The following DNMT1 variants were observed in gnomAD, a reference collection of about 807,000 sequenced individuals.
The protein encoded by DNMT1 is DNA methyltransferase 1.
DNMT1 carries 24 observed loss-of-function variants against 205.3 expected under a neutral mutation model. The ratio of observed to expected loss-of-function variants is 0.12; its 90% CI spans 0.08 to 0.16. The LOEUF is 0.16. Among genes scored for constraint, DNMT1 ranks in the 10% least tolerant of loss-of-function variants. The pLI, the probability that DNMT1 is intolerant of heterozygous loss-of-function variation, is 1.00. For missense variants in DNMT1, 1,293 were observed against 2,177.7 expected (o/e 0.59, Z 8.09); for synonymous variants, 817 against 839.8 (o/e 0.97, Z 0.47).
chr19:10,194,117 A>G (rs930604477), intron 1 of DNMT1, among the ~76,000 whole-genome samples: 17 of 152,328 alleles, frequency 1.1e-4, no homozygotes, highest in African/African-American at 4.1e-4. Context: ...TTTACAGGAA[A>G]AGACCAACCA....
intron 9 of DNMT1, among the ~76,000 whole-genome samples, chr19:10,168,602 G>A (rs2038740749): frequency 6.6e-6 from 1 of 152,092 alleles, no homozygotes; most frequent in Non-Finnish European, 1.5e-5. Flanking sequence ...CTTCTTCAGT[G>A]GGGTAAGTAG....
At chr19:10,194,713 C>T (rs2039370855) in intron 1 of DNMT1, 107 bp downstream of exon 1, 4 of 1,420,690 alleles carry the variant, frequency 2.8e-6, no homozygotes, top group Non-Finnish European at 3.7e-6. Context: ...CCCACGCATG[C>T]GCGCCCGTCT....
chr19:10,148,836 T>C (rs2038264293), intron 27 of DNMT1, 48 bp downstream of exon 27: 1 of 1,613,570 alleles, frequency 6.2e-7, no homozygotes, highest in Non-Finnish European at 8.5e-7. Context: ...AAGGGAGTGA[T>C]GTGGGCTGAA....
Position 10,173,882 on chromosome 19 carries a change from T to A in DNMT1, c.672A>T (p.Thr224=). 2 of 1,613,954 alleles carry A rather than the reference T, an allele frequency of 1.2e-6. No individual in the cohort carries two copies. Among genetic ancestry groups the A allele is most frequent in the Non-Finnish European group, 1.7e-6 (2 of 1,179,854 alleles). ...KDQDEKRRRV[T]SRERVARPLP... ...GTAACTATTCTTACCGTTCTCTGGA[T>A]GTAACTCTACGTCTCTTCTCATCCT... The change falls in exon 8 of 41, where the codon ACA becomes ACT. Residue 224 remains threonine (T), a synonymous_variant. Transcript: ENST00000359526.
chr19:10,154,318 T>C lies in DNMT1; in HGVS notation c.1994A>G (p.Lys665Arg). 6.2e-7 allele frequency: 1 copy of C among 1,614,224 alleles called. No individual in the cohort carries two copies. Among genetic ancestry groups the C allele is most frequent in the South Asian group, 1.1e-5 (1 of 91,084 alleles). ...DDREDKENAF[K>R]RRRCGVCEVC... ...CTCACAGACGCCACATCGCCGGCGC[T>C]TAAAGGCGTTCTCCTTGTCTTCTCT... is the stretch of plus-strand genomic sequence containing the variant. Residue 665 changes from lysine to arginine, a missense_variant, in exon 22 of 41, where the codon AAG (lysine) becomes AGG (arginine). Coordinates refer to ENST00000359526, the MANE Select transcript of DNMT1 (RefSeq NM_001130823.3). This position sits in a 1 kb window ranked among gnomAD's most constrained non-coding sequence, Gnocchi z 6.3.
In DNMT1 at chr19:10,141,072, A is replaced by G. The variant is rs191221466; in HGVS notation, c.3394+33T>C. The G allele has an allele frequency of 2.7e-4, 432 of 1,612,514 alleles. 1 individual carries two copies. Among genetic ancestry groups the G allele is most frequent in the Non-Finnish European group, 3.4e-4 (397 of 1,178,636 alleles). ...CAGGCAGCCTCCAAGTTACAGAAGAATAACTTGAAAAGAAACTCATACAAT... is the reference window on the plus strand; with the variant it reads ...CAGGCAGCCTCCAAGTTACAGAAGAGTAACTTGAAAAGAAACTCATACAAT... On this transcript the variant is annotated intron_variant, in intron 31 of 40. Coordinates refer to ENST00000359526, the MANE Select transcript of DNMT1 (RefSeq NM_001130823.3).
chr19:10,162,103 A>G (rs1380028218), intron 13 of DNMT1, among the ~76,000 whole-genome samples: 1 of 150,976 alleles, frequency 6.6e-6, no homozygotes, highest in East Asian at 1.9e-4. Context: ...TGGCCTCCCA[A>G]AGTGCTGAAA....
At position 10,194,912 on chromosome 19, in the gene DNMT1, A is replaced by T; in HGVS notation, c.-13T>A. 1 of 1,602,112 alleles carries T rather than the reference A, an allele frequency of 6.2e-7. No homozygotes were observed. Among genetic ancestry groups the T allele is most frequent in the South Asian group, 1.1e-5 (1 of 90,136 alleles). On this transcript the variant is annotated 5_prime_UTR_variant, in exon 1 of 41. Transcript: ENST00000359526. ...TACGCGCCGGCATCTCGGAGGCTTC[A>T]GCAGACGCGGCGGCGGCAGCGCAGG...
intron 34 of DNMT1, among the ~76,000 whole-genome samples, chr19:10,139,452 T>A (rs2089558128): frequency 6.6e-6 from 1 of 152,240 alleles, no homozygotes; most frequent in Admixed American, 6.5e-5. Flanking sequence ...CTCCCAGGCA[T>A]GTTCGAGAAC....
At chr19:10,157,504 T>C (rs1379921943) in intron 17 of DNMT1, among the ~76,000 whole-genome samples, 2 of 152,152 alleles carry the variant, frequency 1.3e-5, no homozygotes, top group African/African-American at 4.8e-5. Flanking sequence ...AGACATGAAC[T>C]GGGTGTTCTG....
rs370399482 is a variant in DNMT1, at chr19:10,173,855, T to G, written c.683+16A>C. 305 of 1,613,532 alleles carry G rather than the reference T, an allele frequency of 1.9e-4. 3 individuals are homozygous for G. In the African/African-American group the frequency reaches 3.8e-3, roughly 20 times the overall value. The stretch of plus-strand genomic sequence containing the variant: ...AACTCGTAGAACAAAAAGAAAGGTA[T>G]AGTAACTATTCTTACCGTTCTCTGG... On this transcript the variant is annotated intron_variant, in intron 8 of 40. Coordinates refer to ENST00000359526, the MANE Select transcript of DNMT1 (RefSeq NM_001130823.3).
chr19:10,154,395 C>T lies in DNMT1; in HGVS notation c.1917G>A (p.Leu639=). ...AGAAAGTATCGAAGATCTGGTAGAC[C>T]AGCTTGGTGGTGGTGGCTTTCGTGG... The part of the protein sequence containing the change: ...RGPTKATTTK[L]VYQIFDTFFA... The change falls in exon 22 of 41, where the codon CTG becomes CTA. Residue 639 remains leucine, a synonymous_variant. Transcript: ENST00000359526. The surrounding 1 kb of genome is among the most constrained non-coding windows in gnomAD (Gnocchi z 6.3). The T allele has an allele frequency of 2.5e-6, 4 of 1,614,224 alleles. No homozygotes were observed. Among genetic ancestry groups the T allele is most frequent in the Non-Finnish European group, 3.4e-6 (4 of 1,180,048 alleles).
intron 7 of DNMT1, among the ~76,000 whole-genome samples, chr19:10,175,080 TACATACACACACACACACAC>T (rs1410332987): frequency 1.1e-5 from 1 of 90,610 alleles, no homozygotes; most frequent in South Asian, 4.5e-4. Flanking sequence ...AATACATACA[TACATACACACACACACACAC>T]ACACACACAC....
rs1356707496 is a variant in DNMT1 at position 10,154,539 on chromosome 19, C to G, written c.1832+47G>C. On this transcript the variant is annotated intron_variant, in intron 21 of 40. Transcript: ENST00000359526. The surrounding 1 kb of genome is among the most constrained non-coding windows in gnomAD (Gnocchi z 6.3). ...GACAGAGGATGTGGGCCATGCTCTACCCTCCCCGGTCTCCAGTCTTCACTC... is the reference window on the plus strand; with the variant it reads ...GACAGAGGATGTGGGCCATGCTCTAGCCTCCCCGGTCTCCAGTCTTCACTC... 3.0e-5 allele frequency: 48 copies of G among 1,613,928 alleles called. No homozygotes were observed. The highest frequency in any genetic ancestry group is 3.9e-5 in the Non-Finnish European group (46 of 1,180,004).
rs1325091185 is a variant in DNMT1 at position 10,151,577 on chromosome 19, T to C, written c.2118-32A>G. On this transcript the variant is annotated intron_variant, in intron 23 of 40. Coordinates refer to ENST00000359526, the MANE Select transcript of DNMT1 (RefSeq NM_001130823.3). This position sits in a 1 kb window ranked among gnomAD's most constrained non-coding sequence, Gnocchi z 5.0. ...TGTCACTGGTTATACCTAAGGCCCC[T>C]TTTCTAAGTAAGACCAACCGGGGCT... 6.2e-7 allele frequency: 1 copy of C among 1,612,758 alleles called. No individual in the cohort carries two copies. Among genetic ancestry groups the C allele is most frequent in the Admixed American group, 1.7e-5 (1 of 60,026 alleles).
At chr19:10,150,888 T>G (rs1440037448) in intron 24 of DNMT1, among the ~76,000 whole-genome samples, 1 of 152,072 alleles carries the variant, frequency 6.6e-6, no homozygotes, top group African/African-American at 2.4e-5. Context: ...AGGCCGGAGT[T>G]CGAGAATGGC....
At chr19:10,177,411 C>G (rs760607077) in intron 5 of DNMT1, 44 bp from the exon 6 acceptor site, 1 of 1,575,262 alleles carries the variant, frequency 6.3e-7, no homozygotes. Context: ...AAAAAAGCCA[C>G]TATCAATAGA....
chr19:10,164,501 T>G (rs942969784), intron 11 of DNMT1, among the ~76,000 whole-genome samples: 10 of 152,086 alleles, frequency 6.6e-5, no homozygotes, highest in African/African-American at 2.4e-4. Context: ...TAGTGCCAGC[T>G]ACTTGGGAGG....
chr19:10,188,101 G>A (rs959979739), intron 1 of DNMT1, among the ~76,000 whole-genome samples: 3 of 152,218 alleles, frequency 2.0e-5, no homozygotes, highest in African/African-American at 7.2e-5. Flanking sequence ...ATTCCAGCCT[G>A]GGTGACACAG....
Sources: allele counts gnomAD v4.1 joint callset (sites outside exome capture counted in the v4.1 genomes callset), GRCh38; gene constraint gnomAD v4.1.1; non-coding constraint Gnocchi (gnomAD v3.1); transcripts MANE v1.5; gene names NCBI Gene and HGNC (gene_info 2026-07-23, HGNC 2026-07-21).